Variants in APBB1 observed in about 807,000 individuals in gnomAD.
The protein encoded by APBB1 is adaptor protein FE65a2.
In APBB1, 22 loss-of-function variants were observed where a neutral mutation model predicts 78.4. The ratio of observed to expected loss-of-function variants is 0.28; its 90% CI spans 0.20 to 0.40. APBB1 has a LOEUF of 0.40. Ranked by LOEUF, APBB1 falls within the 10% of genes least tolerant of loss-of-function variation. The pLI, the probability that APBB1 is intolerant of heterozygous loss-of-function variation, is 1.00. For missense variants in APBB1, 749 were observed against 932.4 expected (o/e 0.80, Z 2.56); for synonymous variants, 369 against 372.7 (o/e 0.99, Z 0.12).
rs1255821079 is a variant in APBB1, at chr11:6,395,660, G to A, written c.2007C>T (p.Ser669=). ...QKCLDARSQA[S]TSCLPAPPAE... ...CAGGGGGTGCTGGGAGGCAGGAGGT[G>A]GAGGCCTGGGAACGGGCATCCAGAC... The change falls in exon 15 of 15, where the codon TCC becomes TCT. Residue 669 remains serine (S), a synonymous_variant. Transcript: ENST00000609360. The surrounding 1 kb of genome is among the most constrained non-coding windows in gnomAD (Gnocchi z 5.2). 1.9e-6 allele frequency: 3 copies of A among 1,591,832 alleles called. No individual in the cohort carries two copies. The highest frequency in any genetic ancestry group is 2.6e-6 in the Non-Finnish European group (3 of 1,168,030).
intron 2 of APBB1, among the ~76,000 whole-genome samples, chr11:6,408,101 C>A (rs1474238006): frequency 6.6e-6 from 1 of 152,198 alleles, no homozygotes; most frequent in Non-Finnish European, 1.5e-5. Flanking sequence ...TTAATACCAC[C>A]TATGAAATAT....
chr11:6,402,434 A>G, intron 7 of APBB1, 142 bp downstream of exon 7: 1 of 1,145,454 alleles, frequency 8.7e-7, no homozygotes, highest in Non-Finnish European at 1.2e-6. Context: ...GGGGTCGCTC[A>G]TCCATCCCAC....
chr11:6,402,842 A>C lies in APBB1; in HGVS notation c.1105-117T>G, dbSNP rs1018248677. 4 of 1,315,812 alleles carry C rather than the reference A, an allele frequency of 3.0e-6. No homozygotes were observed. The African/African-American group carries it at 6.3e-5, about 21-fold the overall frequency. The allele number at this position is 1,315,812 out of a possible 1,614,324, so 81.5% of individuals were successfully genotyped here. A position where few individuals can be genotyped will look rare whatever the true frequency, so the allele number is the denominator to read the frequency against. On this transcript the variant is annotated intron_variant, in intron 6 of 14. Transcript: ENST00000609360. ...CTGAACTAAGACGGAGAAGCTCCCCAAACAGGATGTGGTTAGGGAGAGGGG... is the reference window on the plus strand; with the variant it reads ...CTGAACTAAGACGGAGAAGCTCCCCCAACAGGATGTGGTTAGGGAGAGGGG...
chr11:6,412,090 C>T (rs1158701418), intron 1 of APBB1, among the ~76,000 whole-genome samples: 3 of 152,318 alleles, frequency 2.0e-5, no homozygotes, highest in South Asian at 4.1e-4. Context: ...TCCTGGATCA[C>T]TATGGGAGCC....
At chr11:6,400,033 C>T (rs1014221353) in intron 12 of APBB1, among the ~76,000 whole-genome samples, 4 of 152,170 alleles carry the variant, frequency 2.6e-5, no homozygotes, top group African/African-American at 9.7e-5. Context: ...TACTTTCTCT[C>T]AACGAATAAC....
At chr11:6,398,320 A>G (rs1425878960) in intron 12 of APBB1, among the ~76,000 whole-genome samples, 1 of 152,218 alleles carries the variant, frequency 6.6e-6, no homozygotes, top group Non-Finnish European at 1.5e-5. Flanking sequence ...AAATAAAAGC[A>G]GGGATCTTTG....
At position 6,402,605 on chromosome 11, in the gene APBB1, G is replaced by A; in HGVS notation, c.1225C>T (p.His409Tyr). ...CCCCAGCCCCCAGACATGGGGTCAT[G>A]CAGGTTGTTTTTGTGGTAAGAGAGC... ...RQLSYHKNNL[H>Y]DPMSGGWGEG... Residue 409 changes from histidine (H) to tyrosine (Y), a missense_variant, in exon 7 of 15, where the codon CAT becomes TAT. This residue lies in a region of APBB1 where 635 missense variants were observed against 765.0 expected (regional missense o/e 0.83). Coordinates refer to ENST00000609360, the MANE Select transcript of APBB1 (RefSeq NM_001164.5). 1 of 1,614,094 alleles carries A rather than the reference G, an allele frequency of 6.2e-7. No homozygotes were observed. Among genetic ancestry groups the A allele is most frequent in the Non-Finnish European group, 8.5e-7 (1 of 1,180,016 alleles).
intron 2 of APBB1, among the ~76,000 whole-genome samples, chr11:6,408,927 C>T (rs1848889947): frequency 6.6e-6 from 1 of 152,154 alleles, no homozygotes; most frequent in Non-Finnish European, 1.5e-5. Context: ...GCGTGAGCCA[C>T]TGTGCCCAGG....
At chr11:6,405,783 A>G in intron 2 of APBB1, 1 of 663,296 alleles carries the variant, frequency 1.5e-6, no homozygotes, top group Non-Finnish European at 1.9e-6. Flanking sequence ...TAAGGTTTTC[A>G]ATAGGCACCT....
In APBB1 at chr11:6,395,282, G is replaced by A. The variant is rs1048221627; in HGVS notation, c.*252C>T. The stretch of plus-strand genomic sequence containing the variant: ...TGGACCAGTTCCTCCTGTTCCACCT[G>A]AAACACATGGGGATGGAGAACCAGG... On this transcript the variant is annotated 3_prime_UTR_variant, in exon 15 of 15. Transcript: ENST00000609360. This position sits in a 1 kb window ranked among gnomAD's most constrained non-coding sequence, Gnocchi z 5.2. 4 of 393,822 alleles carry A rather than the reference G, an allele frequency of 1.0e-5. No homozygotes were observed. Among genetic ancestry groups the A allele is most frequent in the Non-Finnish European group, 1.8e-5 (4 of 221,432 alleles). The allele number at this position is 393,822 out of a possible 1,614,324, so 24.4% of individuals were successfully genotyped here. A position where few individuals can be genotyped will look rare whatever the true frequency, so the allele number is the denominator to read the frequency against.
chr11:6,405,413 G>A (rs1023340001), intron 2 of APBB1: 13 of 987,122 alleles, frequency 1.3e-5, no homozygotes, highest in East Asian at 1.1e-4. Flanking sequence ...AGGCTGCAGC[G>A]TCTCCTCGGC....
At chr11:6,418,908 G>A (rs1389882017) in intron 1 of APBB1, 77 bp downstream of exon 1, 7 of 373,642 alleles carry the variant, frequency 1.9e-5, no homozygotes, top group South Asian at 1.4e-4. Context: ...CCGCAGGGTA[G>A]GGGCTACAGG....
At chr11:6,413,591 T>C (rs1315614946) in intron 1 of APBB1, among the ~76,000 whole-genome samples, 1 of 152,070 alleles carries the variant, frequency 6.6e-6, no homozygotes, top group Non-Finnish European at 1.5e-5. Flanking sequence ...TAGCTGGGAT[T>C]ATAGGTGCCC....
intron 12 of APBB1, 94 bp downstream of exon 12, chr11:6,400,895 G>A (rs1848465606): frequency 8.7e-7 from 1 of 1,151,890 alleles, no homozygotes; most frequent in Non-Finnish European, 1.3e-6. Context: ...CAAGCATGAG[G>A]AAGGTCTGGT....
intron 2 of APBB1, among the ~76,000 whole-genome samples, chr11:6,406,981 G>A (rs184304673): frequency 6.0e-4 from 92 of 152,338 alleles, no homozygotes; most frequent in African/African-American, 2.1e-3. Context: ...CTGGAGCAGA[G>A]TATGAATTCA....
chr11:6,415,718 C>G (rs964706990), intron 1 of APBB1, among the ~76,000 whole-genome samples: 11 of 152,224 alleles, frequency 7.2e-5, no homozygotes, highest in African/African-American at 2.4e-4. Flanking sequence ...AACATAAAAA[C>G]CTAACCAAAC....
intron 1 of APBB1, among the ~76,000 whole-genome samples, chr11:6,417,956 A>G (rs2134117161): frequency 6.6e-6 from 1 of 152,368 alleles, no homozygotes; most frequent in Middle Eastern, 3.4e-3. Context: ...GCAGCTGGAC[A>G]TATGAGTCTG....
At chr11:6,405,611 C>T in intron 2 of APBB1, 3 of 985,992 alleles carry the variant, frequency 3.0e-6, no homozygotes, top group Non-Finnish European at 3.6e-6. Context: ...TGGCTGCACA[C>T]CTGACGAGAG....
In APBB1 at chr11:6,395,213, T is replaced by C; in HGVS notation, c.*321A>G. 3.5e-6 allele frequency: 1 copy of C among 285,244 alleles called. No homozygotes were observed. Among genetic ancestry groups the C allele is most frequent in the Non-Finnish European group, 6.6e-6 (1 of 152,040 alleles). The allele number at this position is 285,244 out of a possible 1,614,324, so 17.7% of individuals were successfully genotyped here. A position where few individuals can be genotyped will look rare whatever the true frequency, so the allele number is the denominator to read the frequency against. ...GGGACCCATGCCTGGACCAGTCCCT[T>C]CCTCCTTCTGCCCCTGCTGGGTCCA... On this transcript the variant is annotated 3_prime_UTR_variant, in exon 15 of 15. Transcript: ENST00000609360. This position sits in a 1 kb window ranked among gnomAD's most constrained non-coding sequence, Gnocchi z 5.2.
Sources: gnomAD v4.1 joint callset for allele counts (sites outside exome capture counted in the v4.1 genomes callset) on GRCh38, gnomAD v4.1.1 for gene constraint, gnomAD v4.1.1 regional missense constraint, Gnocchi (gnomAD v3.1) non-coding constraint, MANE v1.5 for transcripts, NCBI Gene and HGNC (gene_info 2026-07-23, HGNC 2026-07-21) for gene names.